MLLT3: variants seen among roughly 807,000 people sequenced by gnomAD.
The protein encoded by MLLT3 is MLLT3 super elongation complex subunit, also known as protein AF-9.
In MLLT3, 4 loss-of-function variants were observed where a neutral mutation model predicts 53.2. The ratio of observed to expected loss-of-function variants is 0.08; its 90% CI spans 0.04 to 0.17. The LOEUF (loss-of-function observed/expected upper bound fraction) is 0.17. MLLT3 is among the 10% of genes least tolerant of loss of function. MLLT3 has a pLI of 1.00. For missense variants in MLLT3, 569 were observed against 684.0 expected, an observed-to-expected ratio of 0.83 and a Z score of 1.87; for synonymous variants, 283 against 230.6, an observed-to-expected ratio of 1.23 and a Z score of -2.06.
chr9:20,620,645 G>A lies in MLLT3; in HGVS notation c.193+9C>T, dbSNP rs1313925822. On this transcript the variant is annotated intron_variant, in intron 2 of 10. Transcript: ENST00000380338. This position sits in a 1 kb window ranked among gnomAD's most constrained non-coding sequence, Gnocchi z 6.1. Reference sequence around the variant, plus strand: ...TTTTTATCAAGACCCTTTTGTATTCGAGCCCTACCTCTTTTTGGCCTAGGA... The same window carrying A: ...TTTTTATCAAGACCCTTTTGTATTCAAGCCCTACCTCTTTTTGGCCTAGGA... 6.2e-7 allele frequency: 1 copy of A among 1,611,684 alleles called. No individual in the cohort carries two copies. The highest frequency in any genetic ancestry group is 8.5e-7 in the Non-Finnish European group (1 of 1,178,428).
intron 2 of MLLT3, among the ~76,000 whole-genome samples, chr9:20,518,457 C>T (rs1456093817): frequency 6.6e-6 from 1 of 152,128 alleles, no homozygotes; most frequent in African/African-American, 2.4e-5. Context: ...GAGAACATTA[C>T]AGTGGTAACT....
In MLLT3 at chr9:20,621,856, C is replaced by G; in HGVS notation, c.12+389G>C. The G allele has an allele frequency of 1.4e-6, 2 of 1,383,352 alleles. No individual in the cohort carries two copies. The highest frequency in any genetic ancestry group is 3.3e-5 in the South Asian group (2 of 60,222). 85.7% of individuals were successfully genotyped at this position (1,383,352 alleles called of 1,614,324 possible). On this transcript the variant is annotated intron_variant, in intron 1 of 10. Coordinates refer to ENST00000380338, the MANE Select transcript of MLLT3 (RefSeq NM_004529.4). This position sits in a 1 kb window ranked among gnomAD's most constrained non-coding sequence, Gnocchi z 7.0. ...CCCGGACTGTGCCCGCAGCTCCCGG[C>G]GGCGGCGGCTGAAATATGGCTGAGT...
intron 4 of MLLT3, among the ~76,000 whole-genome samples, chr9:20,439,872 C>T (rs1823501645): frequency 6.6e-6 from 1 of 151,982 alleles, no homozygotes; most frequent in Admixed American, 6.6e-5. Context: ...TCTAGATGTC[C>T]ACACTTTCTA....
At chr9:20,415,477 C>T (rs1822848294) in intron 4 of MLLT3, 1 of 965,956 alleles carries the variant, frequency 1.0e-6, no homozygotes, top group African/African-American at 1.8e-5. Flanking sequence ...GAATAAGAAA[C>T]AGAGAAGATC....
Position 20,365,721 on chromosome 9 carries a change from G to A in MLLT3, c.1149C>T (p.Ser383=), listed in dbSNP as rs754364852. 6.2e-7 allele frequency: 1 copy of A among 1,614,206 alleles called. No individual in the cohort carries two copies. The highest frequency in any genetic ancestry group is 1.1e-5 in the South Asian group (1 of 91,086). The stretch of plus-strand genomic sequence containing the variant: ...AGCTGGAGCTGGAGCTGGAGCTGGA[G>A]CTGGCAGGACTGGGTTGTTCAGACT... ...KSDSEQPSPA[S]SSSSSSSSFT... The change falls in exon 6 of 11, where the codon AGC becomes AGT. Residue 383 remains serine (S), a synonymous_variant. Transcript: ENST00000380338.
intron 5 of MLLT3, among the ~76,000 whole-genome samples, chr9:20,395,672 G>A (rs1822304229): frequency 6.6e-6 from 1 of 152,078 alleles, no homozygotes; most frequent in Non-Finnish European, 1.5e-5. Flanking sequence ...AGAAATTTAG[G>A]TTAAACACCT....
At chr9:20,552,250 T>C (rs781224148) in intron 2 of MLLT3, among the ~76,000 whole-genome samples, 3 of 152,202 alleles carry the variant, frequency 2.0e-5, no homozygotes, top group Non-Finnish European at 4.4e-5. Flanking sequence ...ACTTTAGAAA[T>C]GGAAGCATTC....
At chr9:20,476,920 A>G (rs1824535787) in intron 2 of MLLT3, among the ~76,000 whole-genome samples, 2 of 152,194 alleles carry the variant, frequency 1.3e-5, no homozygotes, top group South Asian at 2.1e-4. Context: ...TTTAAAACAA[A>G]CAAGTCTTTT....
intron 5 of MLLT3, among the ~76,000 whole-genome samples, chr9:20,373,614 A>G (rs1821676875): frequency 6.6e-6 from 1 of 152,254 alleles, no homozygotes; most frequent in Non-Finnish European, 1.5e-5. Context: ...ATCAAAATAA[A>G]AATAGTGAAA....
At chr9:20,373,107 C>T (rs567360046) in intron 5 of MLLT3, among the ~76,000 whole-genome samples, 57 of 152,120 alleles carry the variant, frequency 3.7e-4, no homozygotes, top group African/African-American at 1.2e-3. Flanking sequence ...CATTAGTTTG[C>T]TCATAGAGTG....
Position 20,344,713 on chromosome 9 carries a change from G to C in MLLT3, c.*1730C>G, listed in dbSNP as rs1587133332. The C allele has an allele frequency of 4.8e-6, 1 of 206,500 alleles. No individual in the cohort carries two copies. Among genetic ancestry groups the C allele is most frequent in the Non-Finnish European group, 9.9e-6 (1 of 101,184 alleles). The allele number at this position is 206,500 out of a possible 1,614,324, so 12.8% of individuals were successfully genotyped here. On this transcript the variant is annotated 3_prime_UTR_variant, in exon 11 of 11. Coordinates refer to ENST00000380338, the MANE Select transcript of MLLT3 (RefSeq NM_004529.4). ...GTTTCTTTGGATAGAAAGAAACAGT[G>C]TAAAAAATCCCCTTTTTAAAATGCA...
At chr9:20,607,599 C>A (rs1369428933) in intron 2 of MLLT3, among the ~76,000 whole-genome samples, 1 of 152,022 alleles carries the variant, frequency 6.6e-6, no homozygotes, top group African/African-American at 2.4e-5. Flanking sequence ...GTTTATATTT[C>A]ACAAACATTC....
intron 8 of MLLT3, among the ~76,000 whole-genome samples, chr9:20,357,981 G>GCGCA (rs369911145): frequency 3.7e-4 from 51 of 139,342 alleles, no homozygotes; most frequent in African/African-American, 1.2e-3. Flanking sequence ...TCCCTCCTGC[G>GCGCA]CACACACACA....
chr9:20,622,190 G>C (rs577060829), intron 1 of MLLT3, 55 bp downstream of exon 1: 1 of 1,540,414 alleles, frequency 6.5e-7, no homozygotes, highest in South Asian at 1.1e-5. Flanking sequence ...CGGCGGCGCA[G>C]GGCGAGGAAG....
intron 10 of MLLT3, 40 bp downstream of exon 10, chr9:20,353,485 G>C: frequency 6.4e-7 from 1 of 1,571,106 alleles, no homozygotes; most frequent in South Asian, 1.1e-5. Flanking sequence ...ACCAAGTCTT[G>C]AAGTTTCTGG....
intron 2 of MLLT3, among the ~76,000 whole-genome samples, chr9:20,571,785 C>T (rs1819539294): frequency 6.6e-6 from 1 of 152,176 alleles, no homozygotes; most frequent in Admixed American, 6.5e-5. Context: ...TGCTCAACAT[C>T]ACTAATCATT....
intron 2 of MLLT3, among the ~76,000 whole-genome samples, chr9:20,463,128 G>A (rs1412258664): frequency 6.6e-6 from 1 of 152,130 alleles, no homozygotes; most frequent in Non-Finnish European, 1.5e-5. Flanking sequence ...AAATGTTACA[G>A]AGAACCCCTA....
intron 2 of MLLT3, among the ~76,000 whole-genome samples, chr9:20,615,703 A>G (rs1382053459): frequency 6.6e-6 from 1 of 151,982 alleles, no homozygotes; most frequent in Non-Finnish European, 1.5e-5. Context: ...TGGTGACGTT[A>G]AATCTATATA....
chr9:20,557,113 A>G (rs1819080173), intron 2 of MLLT3, among the ~76,000 whole-genome samples: 1 of 152,030 alleles, frequency 6.6e-6, no homozygotes, highest in South Asian at 2.1e-4. Context: ...TTCCTCCACA[A>G]GCTTTGCACT....
Sources: gnomAD v4.1 joint callset for allele counts (sites outside exome capture counted in the v4.1 genomes callset) on GRCh38, gnomAD v4.1.1 for gene constraint, Gnocchi (gnomAD v3.1) non-coding constraint, MANE v1.5 for transcripts, NCBI Gene and HGNC (gene_info 2026-07-23, HGNC 2026-07-21) for gene names.